SPAG16: variants seen among roughly 807,000 people sequenced by gnomAD.
SPAG16 encodes sperm-associated antigen 16 protein.
SPAG16 carries 86 observed loss-of-function variants against 80.4 expected under a neutral mutation model. The ratio of observed to expected loss-of-function variants is 1.07; its 90% CI spans 0.90 to 1.28. SPAG16 has a LOEUF of 1.28. Among genes scored for constraint, SPAG16 ranks in the 50% most tolerant of loss-of-function variants. The probability of loss-of-function intolerance (pLI) is 0.00; values close to 1 mark genes in which losing one functional copy is unlikely to be tolerated. For missense variants in SPAG16, 870 were observed against 765.3 expected (o/e 1.14, Z -1.61); for synonymous variants, 294 against 265.9 (o/e 1.11, Z -1.03).
chr2:213,578,415 G>A (rs1559274461), intron 10 of SPAG16, among the ~76,000 whole-genome samples: 1 of 151,864 alleles, frequency 6.6e-6, no homozygotes, highest in Non-Finnish European at 1.5e-5. Context: ...AAATTATATT[G>A]GTTGTACAAA....
At chr2:214,213,246 A>G (rs1376278109) in intron 15 of SPAG16, among the ~76,000 whole-genome samples, 3 of 152,154 alleles carry the variant, frequency 2.0e-5, no homozygotes, top group African/African-American at 4.8e-5. Context: ...TCCTAATCCA[A>G]TCTTAAAGCA....
chr2:213,382,051 T>G (rs927790994), intron 9 of SPAG16, among the ~76,000 whole-genome samples: 2 of 152,130 alleles, frequency 1.3e-5, no homozygotes, highest in African/African-American at 4.8e-5. Flanking sequence ...AGGCTAGTTT[T>G]TTTTTTTTAA....
intron 9 of SPAG16, among the ~76,000 whole-genome samples, chr2:213,445,820 G>T (rs2071273495): frequency 6.6e-6 from 1 of 152,194 alleles, no homozygotes; most frequent in African/African-American, 2.4e-5. Context: ...CAAGGAGGCA[G>T]AGAAACTGGA....
chr2:214,310,549 T>TG (rs1695224990), intron 15 of SPAG16, among the ~76,000 whole-genome samples: 1 of 152,170 alleles, frequency 6.6e-6, no homozygotes, highest in East Asian at 1.9e-4. Flanking sequence ...AGTTTCCCTT[T>TG]GGATATTGAG....
At chr2:214,259,524 T>C (rs758298267) in intron 15 of SPAG16, among the ~76,000 whole-genome samples, 61 of 141,864 alleles carry the variant, frequency 4.3e-4, no homozygotes, top group Non-Finnish European at 7.3e-4. Flanking sequence ...TCCTGGATTG[T>C]CACCTGCCCC....
intron 15 of SPAG16, among the ~76,000 whole-genome samples, chr2:214,387,373 C>G (rs1252555312): frequency 6.6e-6 from 1 of 152,046 alleles, no homozygotes; most frequent in African/African-American, 2.4e-5. Flanking sequence ...CATCAGGAAC[C>G]TGAAACAGAG....
chr2:213,509,124 G>A (rs1194618389), intron 10 of SPAG16, among the ~76,000 whole-genome samples: 2 of 151,912 alleles, frequency 1.3e-5, no homozygotes, highest in South Asian at 2.1e-4. Context: ...AGCCTCCCGA[G>A]TAGCTGGGAT....
intron 10 of SPAG16, among the ~76,000 whole-genome samples, chr2:213,531,481 G>A (rs1319029039): frequency 1.3e-5 from 2 of 151,550 alleles, no homozygotes; most frequent in Non-Finnish European, 2.9e-5. Flanking sequence ...TGGTGAAGAG[G>A]CACGTGGGGA....
chr2:213,555,894 T>C (rs1316773328), intron 10 of SPAG16, among the ~76,000 whole-genome samples: 2 of 152,116 alleles, frequency 1.3e-5, no homozygotes, highest in Non-Finnish European at 2.9e-5. Context: ...ATAGCTAAAA[T>C]AATTTTTAAG....
At chr2:214,063,597 C>T (rs1576035406) in intron 13 of SPAG16, among the ~76,000 whole-genome samples, 1 of 152,092 alleles carries the variant, frequency 6.6e-6, no homozygotes, top group Admixed American at 6.6e-5. Flanking sequence ...TAAAGCCCCA[C>T]CTCTAATACT....
In SPAG16 at chr2:213,883,204, G is replaced by T. The variant is rs2076417610; in HGVS notation, c.1214+20576G>T. Among the ~76,000 whole-genome samples, 6 of 152,114 alleles carry T rather than the reference G, an allele frequency of 3.9e-5. No homozygotes were observed. In the South Asian group the frequency reaches 1.2e-3, roughly 31 times the overall value. On this transcript the variant is annotated intron_variant, in intron 11 of 15. Coordinates refer to ENST00000331683, the MANE Select transcript of SPAG16 (RefSeq NM_024532.5). ...TTACATCCCAGAGATTTTGGTATTT[G>T]TTTGCCTATTTTAATTAATTTCAAT...
rs529553333 is a variant in SPAG16, at chr2:213,651,120, T to A, written c.1070+161030T>A. On this transcript the variant is annotated intron_variant, in intron 10 of 15. Coordinates refer to ENST00000331683, the MANE Select transcript of SPAG16 (RefSeq NM_024532.5). ...TTCCTTTGATAACTACTAAATACTG[T>A]ATCAATAAGAAGCAGAATCACTATG... Among the ~76,000 whole-genome samples the A allele has an allele frequency of 1.6e-3, 243 of 152,286 alleles. 7 individuals are homozygous for A. Among genetic ancestry groups the A allele is most frequent in the Admixed American group, 0.016 (243 of 15,294 alleles).
At chr2:213,442,335 TGTTA>T (rs2071023345) in intron 9 of SPAG16, among the ~76,000 whole-genome samples, 1 of 152,244 alleles carries the variant, frequency 6.6e-6, no homozygotes, top group African/African-American at 2.4e-5. Flanking sequence ...ATTGTCAAGA[TGTTA>T]GTTCTTTCCA....
chr2:214,047,249 C>T (rs907223722), intron 13 of SPAG16, among the ~76,000 whole-genome samples: 3 of 151,976 alleles, frequency 2.0e-5, no homozygotes, highest in African/African-American at 4.8e-5. Flanking sequence ...CAAAAAAGAA[C>T]AAAACTGGAG....
chr2:213,602,267 A>G (rs1358339337), intron 10 of SPAG16, among the ~76,000 whole-genome samples: 1 of 152,232 alleles, frequency 6.6e-6, no homozygotes, highest in East Asian at 1.9e-4. Context: ...TACATTTTGT[A>G]GAACAAATCC....
chr2:213,404,935 C>A (rs888079084), intron 9 of SPAG16, among the ~76,000 whole-genome samples: 1 of 152,108 alleles, frequency 6.6e-6, no homozygotes, highest in Non-Finnish European at 1.5e-5. Context: ...GCTTCCAAAG[C>A]TTATGGCTGA....
At chr2:213,456,668 T>C (rs1278601039) in intron 9 of SPAG16, among the ~76,000 whole-genome samples, 1 of 152,148 alleles carries the variant, frequency 6.6e-6, no homozygotes, top group African/African-American at 2.4e-5. Flanking sequence ...CCTCCTCTTC[T>C]GCCTTTAATG....
rs147212046 is a variant in SPAG16, at chr2:214,103,087, C to T, written c.1528-5109C>T. Among the ~76,000 whole-genome samples, 9 of 152,168 alleles carry T rather than the reference C, an allele frequency of 5.9e-5. No homozygotes were observed. In the East Asian group the frequency reaches 1.7e-3, roughly 29 times the overall value. On this transcript the variant is annotated intron_variant, in intron 13 of 15. Coordinates refer to ENST00000331683, the MANE Select transcript of SPAG16 (RefSeq NM_024532.5). ...ATGCATGCCCATCTGAGGTTTTTTC[C>T]TTTCTCCAGTGGCATGTGCCCCCCA...
chr2:214,003,182 C>A (rs2046873017), intron 12 of SPAG16, among the ~76,000 whole-genome samples: 1 of 152,102 alleles, frequency 6.6e-6, no homozygotes, highest in African/African-American at 2.4e-5. Flanking sequence ...TGTATTAGAC[C>A]AGTTAATATA....
Sources: gnomAD v4.1 joint callset for allele counts (sites outside exome capture counted in the v4.1 genomes callset) on GRCh38, gnomAD v4.1.1 for gene constraint, MANE v1.5 for transcripts, NCBI Gene and HGNC (gene_info 2026-07-23, HGNC 2026-07-21) for gene names.